The following C8orf88 variants were observed in gnomAD, a reference collection of about 807,000 sequenced individuals.
The protein encoded by C8orf88 is chromosome 8 open reading frame 88.
In C8orf88, 14 loss-of-function variants were observed where a neutral mutation model predicts 18.4. That is an observed-to-expected ratio of 0.76 (90% CI 0.50 to 1.19). C8orf88 has a LOEUF of 1.19. Among genes scored for constraint, C8orf88 ranks in the 50% most tolerant of loss-of-function variants. The pLI is 0.00. For synonymous variants in C8orf88, 45 were observed against 42.9 expected, an observed-to-expected ratio of 1.05 and a Z score of -0.19; for missense variants, 116 against 134.7, an observed-to-expected ratio of 0.86 and a Z score of 0.69.
chr8:90,977,730 T>C (rs960985137), intron 3 of C8orf88, among the ~76,000 whole-genome samples: 7 of 151,898 alleles, frequency 4.6e-5, no homozygotes, highest in Non-Finnish European at 7.4e-5. Context: ...TCACCTGAGG[T>C]TGGAAGTTCA....
At position 90,977,731 on chromosome 8, in the gene C8orf88, T is replaced by C. The variant is rs1811372080; in HGVS notation, c.147+848A>G. 2.0e-5 allele frequency among the ~76,000 whole-genome samples: 3 copies of C among 152,086 alleles called. No homozygotes were observed. In the South Asian group the frequency reaches 6.2e-4, roughly 32 times the overall value. On this transcript the variant is annotated intron_variant, in intron 3 of 5. Transcript: ENST00000517562. ...CCGAGGCAGGCAGATCACCTGAGGT[T>C]GGAAGTTCAAGACCAGCCTGGCCAA...
chr8:90,979,339 C>A (rs1811398266), intron 2 of C8orf88, among the ~76,000 whole-genome samples: 1 of 152,108 alleles, frequency 6.6e-6, no homozygotes, highest in Non-Finnish European at 1.5e-5. Context: ...AGAGCTGCTG[C>A]AATTGTTTTA....
intron 3 of C8orf88, among the ~76,000 whole-genome samples, chr8:90,976,713 G>A (rs894989868): frequency 6.6e-6 from 1 of 151,970 alleles, no homozygotes; most frequent in Non-Finnish European, 1.5e-5. Flanking sequence ...AATCAGTGTG[G>A]AAAGGATGAA....
At chr8:90,961,932 T>C (rs1284301044) in intron 4 of C8orf88, among the ~76,000 whole-genome samples, 1 of 151,490 alleles carries the variant, frequency 6.6e-6, no homozygotes, top group African/African-American at 2.4e-5. Context: ...CCCTATTATA[T>C]GCTGTCTGCA....
rs1245586679 is a variant in C8orf88, at chr8:90,971,138, T to C, written c.151A>G (p.Lys51Glu). The C allele has an allele frequency of 6.7e-7, 1 of 1,500,990 alleles. No homozygotes were observed. Among genetic ancestry groups the C allele is most frequent in the Non-Finnish European group, 8.9e-7 (1 of 1,127,492 alleles). 93.0% of individuals were successfully genotyped at this position (1,500,990 alleles called of 1,614,324 possible). Residue 51 changes from lysine (K) to glutamate (E), a missense_variant, in exon 4 of 6, where the codon AAG becomes GAG. Coordinates refer to ENST00000517562, the MANE Select transcript of C8orf88 (RefSeq NM_001190972.2). ...QCIQSGVSRC[K>E]TNGMQAFSQG... ...GAAAAGGCTTGCATTCCATTCGTCT[T>C]ACACTGTTAAACATGAAGAAAATAA...
intron 3 of C8orf88, among the ~76,000 whole-genome samples, chr8:90,977,319 T>C (rs1811365419): frequency 1.3e-5 from 2 of 152,230 alleles, no homozygotes; most frequent in South Asian, 2.1e-4. Context: ...CCCCTGTTCA[T>C]ACAAATCGCT....
chr8:90,978,683 G>A, intron 2 of C8orf88, 31 bp from the exon 3 acceptor site: 1 of 1,248,104 alleles, frequency 8.0e-7, no homozygotes, highest in Non-Finnish European at 1.1e-6. Flanking sequence ...CAATTTCATA[G>A]ATCTATTATT....
At position 90,978,615 on chromosome 8, in the gene C8orf88, T is replaced by C. The variant is rs1811386716; in HGVS notation, c.111A>G (p.Pro37=). The C allele has an allele frequency of 1.3e-6, 2 of 1,531,598 alleles. No individual in the cohort carries two copies. Among genetic ancestry groups the C allele is most frequent in the South Asian group, 2.4e-5 (2 of 83,006 alleles). The allele number at this position is 1,531,598 out of a possible 1,614,324, so 94.9% of individuals were successfully genotyped here. A position where few individuals can be genotyped will look rare whatever the true frequency, so the allele number is the denominator to read the frequency against. The change falls in exon 3 of 6, where the codon CCA becomes CCG. Residue 37 remains proline, a synonymous_variant. Transcript: ENST00000517562. ...VFPFNFQNEY[P]CNTQCIQSGV... ...CACTTTGTATGCACTGAGTGTTGCA[T>C]GGATATTCGTTTTGAAAGTTGAAAG... is the stretch of plus-strand genomic sequence containing the variant.
chr8:90,967,600 A>G (rs575583439), intron 4 of C8orf88, among the ~76,000 whole-genome samples: 2 of 151,852 alleles, frequency 1.3e-5, no homozygotes, highest in South Asian at 4.1e-4. Flanking sequence ...CTTACTTGCT[A>G]TAGGTTTGTT....
At chr8:90,981,003 C>T (rs1811428034) in intron 1 of C8orf88, among the ~76,000 whole-genome samples, 1 of 152,142 alleles carries the variant, frequency 6.6e-6, no homozygotes. Context: ...CTTTGGTCTT[C>T]TTAGCTAAAA....
chr8:90,961,170 G>A (rs549077987), intron 4 of C8orf88, among the ~76,000 whole-genome samples: 4 of 151,242 alleles, frequency 2.6e-5, no homozygotes, highest in African/African-American at 7.3e-5. Flanking sequence ...AATAACTATT[G>A]GGCAATTCAG....
At chr8:90,978,515 CCATCTAACA>C in intron 3 of C8orf88, 55 bp downstream of exon 3, 1 of 945,324 alleles carries the variant, frequency 1.1e-6, no homozygotes, top group Non-Finnish European at 1.6e-6. Context: ...CACACAATAG[CCATCTAACA>C]CATGTTACTT....
chr8:90,963,163 T>G (rs1371047484), intron 4 of C8orf88, among the ~76,000 whole-genome samples: 1 of 151,630 alleles, frequency 6.6e-6, no homozygotes, highest in African/African-American at 2.4e-5. Context: ...GTTTTTCAGT[T>G]TGGTATGGTT....
intron 1 of C8orf88, among the ~76,000 whole-genome samples, chr8:90,980,888 T>C (rs1015726337): frequency 6.6e-6 from 1 of 152,104 alleles, no homozygotes; most frequent in Non-Finnish European, 1.5e-5. Flanking sequence ...GGGGTCTCAC[T>C]ATGTTGCCCC....
intron 1 of C8orf88, among the ~76,000 whole-genome samples, 171 bp downstream of exon 1, chr8:90,984,943 C>G (rs963897949): frequency 2.0e-5 from 3 of 152,170 alleles, no homozygotes; most frequent in African/African-American, 4.8e-5. Flanking sequence ...CATTCAGGGT[C>G]CACAGGGTAC....
intron 1 of C8orf88, among the ~76,000 whole-genome samples, chr8:90,983,702 A>T (rs1171197111): frequency 6.6e-6 from 1 of 152,260 alleles, no homozygotes; most frequent in East Asian, 1.9e-4. Context: ...GAAAATTATT[A>T]TTAGTCCCAC....
chr8:90,980,574 G>A (rs878875267), intron 1 of C8orf88, 113 bp from the exon 2 acceptor site: 1 of 505,860 alleles, frequency 2.0e-6, no homozygotes, highest in South Asian at 3.3e-5. Flanking sequence ...AGTTAAAGTG[G>A]AAAACACAAA....
chr8:90,978,481 A>G (rs560594312), intron 3 of C8orf88, 98 bp downstream of exon 3: 47 of 535,204 alleles, frequency 8.8e-5, no homozygotes, highest in Non-Finnish European at 1.4e-4. Flanking sequence ...AAATTTTTAT[A>G]AAGTATATAA....
At chr8:90,976,537 TACA>T (rs1405352529) in intron 3 of C8orf88, among the ~76,000 whole-genome samples, 2 of 152,026 alleles carry the variant, frequency 1.3e-5, no homozygotes, top group South Asian at 2.1e-4. Flanking sequence ...CTAGAACAAA[TACA>T]ACATTTCTAT....
Sources: gnomAD v4.1 joint callset for allele counts (sites outside exome capture counted in the v4.1 genomes callset) on GRCh38, gnomAD v4.1.1 for gene constraint, MANE v1.5 for transcripts, NCBI Gene and HGNC (gene_info 2026-07-23, HGNC 2026-07-21) for gene names.